Variants in TLE2 observed in about 807,000 individuals in gnomAD.
TLE2 encodes the protein transducin-like enhancer protein 2.
A neutral mutation model predicts 97.2 loss-of-function variants in TLE2; 74 were observed. The observed-to-expected ratio is 0.76, with a 90% CI of 0.63 to 0.92. The LOEUF is 0.92. Among genes scored for constraint, TLE2 ranks in the 40% least tolerant of loss-of-function variants. The pLI is 0.00. For missense variants in TLE2, 1,038 were observed against 1,008.7 expected (o/e 1.03, Z -0.39); for synonymous variants, 499 against 432.1 (o/e 1.15, Z -1.92).
rs565370187 is a variant in TLE2, at chr19:3,041,579, G to A, written c.63+4147C>T. 6.6e-5 allele frequency among the ~76,000 whole-genome samples: 10 copies of A among 152,250 alleles called. No homozygotes were observed. The East Asian group carries it at 1.2e-3, about 18-fold the overall frequency. ...CTCCTCTCCTGGGCCAAGCAGCCCC[G>A]TCTCTCTCTGTCACCAACCCTTGCT... On this transcript the variant is annotated intron_variant, in intron 1 of 18. Transcript: ENST00000426948.
chr19:3,007,067 G>T (rs946157942), intron 14 of TLE2, among the ~76,000 whole-genome samples: 1 of 151,724 alleles, frequency 6.6e-6, no homozygotes, highest in South Asian at 2.1e-4. Context: ...TTACAGGCGT[G>T]AGCCACCATG....
intron 4 of TLE2, among the ~76,000 whole-genome samples, chr19:3,026,878 T>C (rs1265589084): frequency 6.6e-6 from 1 of 151,768 alleles, no homozygotes; most frequent in African/African-American, 2.4e-5. Context: ...CTCTGAGGTC[T>C]ATCTCTGACC....
intron 4 of TLE2, 113 bp downstream of exon 4, chr19:3,027,716 G>A (rs1314876337): frequency 2.9e-6 from 3 of 1,030,278 alleles, no homozygotes; most frequent in South Asian, 3.0e-5. Flanking sequence ...ATTTCAGGAT[G>A]AGACCCGTGT....
At chr19:3,005,310 A>G in intron 17 of TLE2, 127 bp downstream of exon 17, 3 of 1,300,842 alleles carry the variant, frequency 2.3e-6, no homozygotes, top group Non-Finnish European at 3.1e-6. Flanking sequence ...GGGACAAGAA[A>G]GATGGACACC....
chr19:3,025,594 C>A lies in TLE2; in HGVS notation c.232-512G>T, dbSNP rs1038499533. 7 of 986,152 alleles carry A rather than the reference C, an allele frequency of 7.1e-6. No individual in the cohort carries two copies. In the African/African-American group the frequency reaches 1.2e-4, roughly 17 times the overall value. 61.1% of individuals were successfully genotyped at this position (986,152 alleles called of 1,614,324 possible). On this transcript the variant is annotated intron_variant, in intron 4 of 19. Coordinates refer to ENST00000262953, the MANE Select transcript of TLE2 (RefSeq NM_003260.5). ...TCCAGGTGGAGATCTCAGCACGCCACACTCAAGGGAAGGATTTCATCTGGA... is the reference window on the plus strand; with the variant it reads ...TCCAGGTGGAGATCTCAGCACGCCAAACTCAAGGGAAGGATTTCATCTGGA...
rs377580869 is a variant in TLE2, at chr19:3,036,172, G to A, written c.64-7369C>T. 3.3e-5 allele frequency among the ~76,000 whole-genome samples: 5 copies of A among 152,332 alleles called. No individual in the cohort carries two copies. In the East Asian group the frequency reaches 7.7e-4, roughly 23 times the overall value. ...GGTGGGGGGGATGGGCCTATAGGTA[G>A]TCAGGGGTGGAGGGGGGTGGTGCTG... On this transcript the variant is annotated intron_variant, in intron 1 of 18. Transcript: ENST00000426948.
intron 4 of TLE2, among the ~76,000 whole-genome samples, chr19:3,026,726 A>G (rs1401622771): frequency 6.8e-6 from 1 of 147,436 alleles, no homozygotes; most frequent in East Asian, 2.1e-4. Context: ...TGAGATCACA[A>G]GTTCAGGAAC....
intron 5 of TLE2, among the ~76,000 whole-genome samples, chr19:3,022,899 T>C (rs2089872512): frequency 6.6e-6 from 1 of 152,154 alleles, no homozygotes; most frequent in Non-Finnish European, 1.5e-5. Context: ...ATGGGAAAGC[T>C]GCTGGAAATG....
chr19:3,044,604 G>C (rs913028289), intron 1 of TLE2, among the ~76,000 whole-genome samples: 8 of 152,182 alleles, frequency 5.3e-5, no homozygotes, highest in Non-Finnish European at 1.2e-4. Flanking sequence ...CTTTTTAGTA[G>C]AGATGGGGTT....
intron 18 of TLE2, 54 bp downstream of exon 18, chr19:3,002,299 C>A: frequency 1.3e-6 from 2 of 1,555,556 alleles, no homozygotes; most frequent in Non-Finnish European, 1.7e-6. Flanking sequence ...TGAATAGGCA[C>A]CCTGGGTTTT....
upstream of TLE2, among the ~76,000 whole-genome samples, chr19:3,046,639 C>T (rs975510554): frequency 2.6e-5 from 4 of 151,784 alleles, no homozygotes; most frequent in Non-Finnish European, 5.9e-5. Flanking sequence ...CTCCTCCCTC[C>T]ACTGAGAACC....
chr19:3,026,732 G>C (rs1568249741), intron 4 of TLE2, among the ~76,000 whole-genome samples: 3 of 148,182 alleles, frequency 2.0e-5, no homozygotes, highest in Non-Finnish European at 4.5e-5. Context: ...CACAAGTTCA[G>C]GAACACCTCA....
chr19:3,007,416 C>A (rs569019579), intron 14 of TLE2, among the ~76,000 whole-genome samples: 4 of 152,102 alleles, frequency 2.6e-5, no homozygotes, highest in South Asian at 2.1e-4. Context: ...AAGTAATTTT[C>A]TCTGTTATTA....
At position 3,019,603 on chromosome 19, in the gene TLE2, C is replaced by T. The variant is rs1047055488; in HGVS notation, c.369+96G>A. 9.8e-6 allele frequency: 15 copies of T among 1,530,610 alleles called. No individual in the cohort carries two copies. In the African/African-American group the frequency reaches 1.8e-4, roughly 18 times the overall value. 94.8% of individuals were successfully genotyped at this position (1,530,610 alleles called of 1,614,324 possible). ...TTCCCAGGACCACTGGAGCCAAGGC[C>T]CACACACCACCCCAGCTTTAACACC... is the stretch of plus-strand genomic sequence containing the variant. On this transcript the variant is annotated intron_variant, in intron 6 of 19. Coordinates refer to ENST00000262953, the MANE Select transcript of TLE2 (RefSeq NM_003260.5). This position sits in a 1 kb window ranked among gnomAD's most constrained non-coding sequence, Gnocchi z 5.1.
At chr19:2,998,732 G>C (rs969858010) in intron 19 of TLE2, among the ~76,000 whole-genome samples, 1 of 152,192 alleles carries the variant, frequency 6.6e-6, no homozygotes. Flanking sequence ...GTTTTCTACA[G>C]ACAGGTGCTT....
At chr19:2,999,309 C>A (rs1221257782) in intron 19 of TLE2, among the ~76,000 whole-genome samples, 1 of 151,720 alleles carries the variant, frequency 6.6e-6, no homozygotes, top group Non-Finnish European at 1.5e-5. Context: ...CTGTACCAAC[C>A]AGGACGGGCA....
chr19:3,045,615 G>A lies in TLE2; in HGVS notation c.63+111C>T, dbSNP rs149760218. ...GCGGATCACTTGAGGTCAGGAGTTC[G>A]AGACCAGCCTGGCCAACATGGTGAA... is the stretch of plus-strand genomic sequence containing the variant. On this transcript the variant is annotated intron_variant, in intron 1 of 18. Coordinates refer to the TLE2 transcript ENST00000426948. 5.9e-3 allele frequency: 1,972 copies of A among 335,158 alleles called. 43 individuals are homozygous for A. The highest frequency in any genetic ancestry group is 0.039 in the African/African-American group (1,827 of 46,850). 20.8% of individuals were successfully genotyped at this position (335,158 alleles called of 1,614,324 possible).
chr19:3,016,313 C>T (rs963181627), intron 8 of TLE2, among the ~76,000 whole-genome samples: 56 of 150,098 alleles, frequency 3.7e-4, no homozygotes, highest in Admixed American at 2.0e-4. Flanking sequence ...CAGTGGCTCA[C>T]GCCTATAATC....
chr19:3,039,224 CCA>C (rs1491568473), intron 1 of TLE2, among the ~76,000 whole-genome samples: 3,666 of 100,996 alleles, frequency 0.036, 187 homozygotes, highest in African/African-American at 0.13. Context: ...TTTCCCCACT[CCA>C]AAAAAAAAAA....
Sources: gnomAD v4.1 joint callset for allele counts (sites outside exome capture counted in the v4.1 genomes callset) on GRCh38, gnomAD v4.1.1 for gene constraint, Gnocchi (gnomAD v3.1) non-coding constraint, MANE v1.5 for transcripts, NCBI Gene and HGNC (gene_info 2026-07-23, HGNC 2026-07-21) for gene names.